The following THSD4 variants were observed in gnomAD, a reference collection of about 807,000 sequenced individuals.
THSD4 encodes the protein thrombospondin type 1 domain containing 4.
In THSD4, 69 loss-of-function variants were observed where a neutral mutation model predicts 119.0. That is an observed-to-expected ratio of 0.58 (90% confidence interval 0.48 to 0.71). The LOEUF (loss-of-function observed/expected upper bound fraction) is 0.71. Among genes scored for constraint, THSD4 ranks in the 30% least tolerant of loss-of-function variants. The pLI is 0.00. For synonymous variants in THSD4, 524 were observed against 540.4 expected (o/e 0.97, Z 0.42); for missense variants, 1,393 against 1,391.1 (o/e 1.00, Z -0.02).
chr15:71,332,210 T>A (rs1300910999), intron 6 of THSD4, among the ~76,000 whole-genome samples: 1 of 152,224 alleles, frequency 6.6e-6, no homozygotes, highest in Non-Finnish European at 1.5e-5. Flanking sequence ...AAGTGCAGTC[T>A]GGTGCCCACA....
chr15:71,523,726 A>G (rs537552229), intron 7 of THSD4, among the ~76,000 whole-genome samples: 4 of 152,322 alleles, frequency 2.6e-5, no homozygotes, highest in African/African-American at 9.6e-5. Flanking sequence ...GAAGCAGGAG[A>G]TATTTCATGG....
chr15:71,458,316 A>T (rs910647197), intron 7 of THSD4, among the ~76,000 whole-genome samples: 2 of 152,226 alleles, frequency 1.3e-5, no homozygotes, highest in Non-Finnish European at 2.9e-5. Flanking sequence ...CACTGTGGAA[A>T]GAGCCTGGGA....
chr15:71,777,342 A>C lies in THSD4; in HGVS notation c.3025A>C (p.Asn1009His). The C allele has an allele frequency of 1.9e-6, 3 of 1,614,178 alleles. No individual in the cohort carries two copies. In the South Asian group the frequency reaches 3.3e-5, roughly 18 times the overall value. The change falls in exon 18 of 18, where the codon AAC (asparagine) becomes CAC (histidine). Residue 1009 changes from asparagine (N) to histidine (H), a missense_variant. Asn to His is a moderately conservative substitution (Grantham distance 68, BLOSUM62 1). Transcript: ENST00000261862. ...ACCASCTRVA[N>H]RQTGFLGSR ...CTGTGCCTCCTGCACCCGTGTGGCC[A>C]ACAGGCAGACGGGCTTCCTGGGGAG...
chr15:71,739,795 G>C (rs2053199330), intron 11 of THSD4, among the ~76,000 whole-genome samples: 1 of 24,552 alleles, frequency 4.1e-5, no homozygotes, highest in Admixed American at 7.4e-4. Context: ...GCATTGGTTT[G>C]GGGTGGTTTT....
chr15:71,578,809 A>G (rs542914515), intron 7 of THSD4, among the ~76,000 whole-genome samples: 19 of 138,848 alleles, frequency 1.4e-4, no homozygotes, highest in African/African-American at 4.7e-4. Context: ...CTTTGCATAC[A>G]TTAATTTGAC....
intron 2 of THSD4, among the ~76,000 whole-genome samples, chr15:71,143,700 C>CTTT (rs546375502): frequency 4.0e-5 from 4 of 100,744 alleles, no homozygotes; most frequent in African/African-American, 1.1e-4. Context: ...TTTTTTCTTT[C>CTTT]TTTTTTTTTT....
At chr15:71,427,566 G>T (rs1051622318) in intron 7 of THSD4, among the ~76,000 whole-genome samples, 8 of 149,154 alleles carry the variant, frequency 5.4e-5, no homozygotes, top group African/African-American at 2.0e-4. Context: ...AGACCTTGGA[G>T]ATTGGAGAAA....
chr15:71,533,141 G>C (rs973217109), intron 7 of THSD4, among the ~76,000 whole-genome samples: 2 of 152,190 alleles, frequency 1.3e-5, no homozygotes, highest in Non-Finnish European at 2.9e-5. Flanking sequence ...GGTTGAGCTG[G>C]GTTGCCCGTG....
chr15:71,710,203 G>A (rs887317741), intron 8 of THSD4, among the ~76,000 whole-genome samples: 2 of 152,146 alleles, frequency 1.3e-5, no homozygotes, highest in Admixed American at 1.3e-4. Context: ...AAAGCAACAG[G>A]GAGGTGCCCC....
chr15:71,722,546 G>C (rs1388691084), intron 8 of THSD4, among the ~76,000 whole-genome samples: 1 of 152,120 alleles, frequency 6.6e-6, no homozygotes. Flanking sequence ...ATCGTGGCCA[G>C]AACCTACCTC....
At chr15:71,271,612 T>A (rs1365794898) in intron 6 of THSD4, among the ~76,000 whole-genome samples, 1 of 152,242 alleles carries the variant, frequency 6.6e-6, no homozygotes, top group Non-Finnish European at 1.5e-5. Context: ...TGCATTTTAT[T>A]GTATATAATA....
At chr15:71,099,017 T>A (rs1175995976) in intron 1 of THSD4, among the ~76,000 whole-genome samples, 1 of 152,172 alleles carries the variant, frequency 6.6e-6, no homozygotes, top group Non-Finnish European at 1.5e-5. Context: ...TGGATTACAA[T>A]GAGAACTACC....
chr15:71,472,698 C>T (rs948678127), intron 7 of THSD4, among the ~76,000 whole-genome samples: 2 of 152,186 alleles, frequency 1.3e-5, no homozygotes, highest in East Asian at 1.9e-4. Flanking sequence ...AAGTCCTGCT[C>T]GCTGACCTGC....
At chr15:71,726,559 T>C (rs1047909852) in intron 8 of THSD4, among the ~76,000 whole-genome samples, 8 of 152,186 alleles carry the variant, frequency 5.3e-5, no homozygotes, top group Non-Finnish European at 8.8e-5. Flanking sequence ...TAACAAATTA[T>C]AAAAAGTTAA....
intron 6 of THSD4, among the ~76,000 whole-genome samples, chr15:71,333,982 G>A (rs1390267575): frequency 2.0e-5 from 3 of 152,138 alleles, no homozygotes; most frequent in African/African-American, 7.2e-5. Context: ...TCAGAGATGA[G>A]TAAGACACAA....
chr15:71,316,723 G>C (rs1171125459), intron 6 of THSD4, among the ~76,000 whole-genome samples: 2 of 152,150 alleles, frequency 1.3e-5, no homozygotes, highest in Admixed American at 1.3e-4. Flanking sequence ...CCTGGGAAAG[G>C]CTGGGCCCCC....
At chr15:71,316,681 T>C (rs2045190864) in intron 6 of THSD4, among the ~76,000 whole-genome samples, 1 of 152,132 alleles carries the variant, frequency 6.6e-6, no homozygotes, top group Non-Finnish European at 1.5e-5. Flanking sequence ...CTTCCTCAGT[T>C]CCAGCAGCTG....
intron 6 of THSD4, among the ~76,000 whole-genome samples, chr15:71,314,582 C>G (rs959874890): frequency 1.3e-5 from 2 of 152,222 alleles, no homozygotes; most frequent in African/African-American, 4.8e-5. Context: ...GCTGGGATTA[C>G]AGGCATGAGC....
chr15:71,113,815 T>C (rs1204190352), upstream of THSD4: 2 of 152,248 alleles, frequency 1.3e-5, no homozygotes, highest in Non-Finnish European at 2.9e-5. Context: ...TCTTATTAGT[T>C]TTGCTTTTTT....
Sources: allele counts gnomAD v4.1 joint callset (sites outside exome capture counted in the v4.1 genomes callset), GRCh38; gene constraint gnomAD v4.1.1; transcripts MANE v1.5; gene names NCBI Gene and HGNC (gene_info 2026-07-23, HGNC 2026-07-21).